The following VPS37C variants were observed in gnomAD, a reference collection of about 807,000 sequenced individuals.
VPS37C encodes the protein vacuolar protein sorting-associated protein 37C.
In VPS37C, 9 loss-of-function variants were observed where a neutral mutation model predicts 16.1. The observed-to-expected ratio is 0.56, with a 90% CI of 0.34 to 0.97. The LOEUF (loss-of-function observed/expected upper bound fraction) is 0.97. Ranked by LOEUF, VPS37C falls within the 50% of genes least tolerant of loss-of-function variation. VPS37C has a pLI of 0.02. For synonymous variants in VPS37C, 207 were observed against 206.4 expected (o/e 1.00, Z -0.02); for missense variants, 479 against 472.7 (o/e 1.01, Z -0.12).
At chr11:61,137,160 G>A (rs1293576818) in intron 2 of VPS37C, among the ~76,000 whole-genome samples, 2 of 151,978 alleles carry the variant, frequency 1.3e-5, no homozygotes, top group Non-Finnish European at 2.9e-5. Context: ...TCTTCTACAC[G>A]GAGAGAGCCC....
intron 1 of VPS37C, among the ~76,000 whole-genome samples, chr11:61,150,205 G>A (rs1853275842): frequency 6.6e-6 from 1 of 152,098 alleles, no homozygotes; most frequent in African/African-American, 2.4e-5. Context: ...CAGACATGTG[G>A]GTCCCCCCCA....
chr11:61,134,704 A>C (rs1861334688), intron 2 of VPS37C, among the ~76,000 whole-genome samples: 1 of 152,206 alleles, frequency 6.6e-6, no homozygotes, highest in African/African-American at 2.4e-5. Flanking sequence ...GAGGGGTGAG[A>C]GAGCCAGGTC....
chr11:61,157,341 T>C (rs953991952), intron 1 of VPS37C, among the ~76,000 whole-genome samples: 7 of 152,256 alleles, frequency 4.6e-5, no homozygotes, highest in Admixed American at 4.6e-4. Context: ...TATACCATTT[T>C]ACATTCCCAC....
In VPS37C at chr11:61,131,683, C is replaced by T; in HGVS notation, c.*137G>A. 1.7e-6 allele frequency: 2 copies of T among 1,170,666 alleles called. No homozygotes were observed. 72.5% of individuals were successfully genotyped at this position (1,170,666 alleles called of 1,614,324 possible). A position where few individuals can be genotyped will look rare whatever the true frequency, so the allele number is the denominator to read the frequency against. Reference sequence around the variant, plus strand: ...TCACACCGCCCAGTGCCTTGTCCCTCCAAGGCCTCTGGGTGCCGACGCAAG... The same window carrying T: ...TCACACCGCCCAGTGCCTTGTCCCTTCAAGGCCTCTGGGTGCCGACGCAAG... On this transcript the variant is annotated 3_prime_UTR_variant, in exon 5 of 5. Coordinates refer to ENST00000301765, the MANE Select transcript of VPS37C (RefSeq NM_017966.5).
At chr11:61,137,191 T>C (rs1431339727) in intron 2 of VPS37C, among the ~76,000 whole-genome samples, 2 of 152,138 alleles carry the variant, frequency 1.3e-5, no homozygotes, top group African/African-American at 4.8e-5. Context: ...CCTTCTCTCC[T>C]AGCCGTGTCC....
intron 1 of VPS37C, among the ~76,000 whole-genome samples, chr11:61,160,021 A>G (rs924562013): frequency 4.6e-5 from 7 of 151,774 alleles, no homozygotes; most frequent in Non-Finnish European, 1.0e-4. Flanking sequence ...ATCATCACCT[A>G]TTTGGACATG....
intron 4 of VPS37C, 164 bp from the exon 5 acceptor site, chr11:61,132,703 A>G: frequency 1.1e-6 from 1 of 890,720 alleles, no homozygotes; most frequent in Non-Finnish European, 1.7e-6. Flanking sequence ...CATATGGTAC[A>G]TGCACTGTCT....
At chr11:61,138,641 G>A in intron 2 of VPS37C, 96 bp downstream of exon 2, 5 of 1,145,398 alleles carry the variant, frequency 4.4e-6, no homozygotes, top group Non-Finnish European at 5.2e-6. Flanking sequence ...AGATGAATTT[G>A]GCCAAAACTT....
At chr11:61,158,014 C>G (rs1853405415) in intron 1 of VPS37C, among the ~76,000 whole-genome samples, 1 of 152,226 alleles carries the variant, frequency 6.6e-6, no homozygotes, top group Non-Finnish European at 1.5e-5. Flanking sequence ...CCTGAGTCCT[C>G]ACCAGAAGCA....
In VPS37C at chr11:61,153,721, A is replaced by G. The variant is rs531242258; in HGVS notation, c.-7+7670T>C. On this transcript the variant is annotated intron_variant, in intron 1 of 4. Transcript: ENST00000301765. Reference sequence around the variant, plus strand: ...CCTAGAGGGACTCCGGGCCCAAGACACAGGCAGTGGAGGAGAGGAATTCAC... The same window carrying G: ...CCTAGAGGGACTCCGGGCCCAAGACGCAGGCAGTGGAGGAGAGGAATTCAC... 1.4e-4 allele frequency among the ~76,000 whole-genome samples: 21 copies of G among 152,334 alleles called. No homozygotes were observed. The South Asian group carries it at 4.4e-3, about 32-fold the overall frequency.
chr11:61,147,794 A>AC (rs1038555654), intron 1 of VPS37C, among the ~76,000 whole-genome samples: 2 of 151,820 alleles, frequency 1.3e-5, no homozygotes, highest in African/African-American at 4.8e-5. Flanking sequence ...GACAACTTGC[A>AC]CTGCCCCTCA....
At chr11:61,138,348 A>T (rs1263309232) in intron 2 of VPS37C, 1 of 183,244 alleles carries the variant, frequency 5.5e-6, no homozygotes, top group African/African-American at 2.3e-5. Context: ...GACGAGCTAG[A>T]TCTCAGCCCA....
Position 61,130,854 on chromosome 11 carries a change from G to A in VPS37C, c.*966C>T, listed in dbSNP as rs946164694. ...GATGCCTGTCTTAGGATGGACACTG[G>A]GGGTGGGAGGATTACATCAACAGAG... On this transcript the variant is annotated 3_prime_UTR_variant, in exon 5 of 5. Coordinates refer to ENST00000301765, the MANE Select transcript of VPS37C (RefSeq NM_017966.5). 4 of 424,062 alleles carry A rather than the reference G, an allele frequency of 9.4e-6. No homozygotes were observed. In the East Asian group the frequency reaches 3.7e-4, roughly 39 times the overall value. 26.3% of individuals were successfully genotyped at this position (424,062 alleles called of 1,614,324 possible).
At chr11:61,132,772 G>T in intron 4 of VPS37C, 1 of 634,494 alleles carries the variant, frequency 1.6e-6, no homozygotes, top group Non-Finnish European at 2.7e-6. Flanking sequence ...GGTCACCTCT[G>T]TCCTGGCACC....
intron 1 of VPS37C, among the ~76,000 whole-genome samples, chr11:61,140,937 A>G (rs186914679): frequency 4.7e-4 from 71 of 152,358 alleles, no homozygotes; most frequent in Admixed American, 4.6e-4. Flanking sequence ...CAGGTCGGAC[A>G]CGGTGGCTCA....
chr11:61,136,706 G>T (rs753933603), intron 2 of VPS37C, among the ~76,000 whole-genome samples: 125 of 152,194 alleles, frequency 8.2e-4, no homozygotes, highest in Non-Finnish European at 1.2e-3. Flanking sequence ...TGGAAATAAG[G>T]AGGAAGAATC....
chr11:61,152,676 T>A (rs1160499091), intron 1 of VPS37C, among the ~76,000 whole-genome samples: 2 of 152,102 alleles, frequency 1.3e-5, no homozygotes, highest in East Asian at 1.9e-4. Context: ...GCTCACTCCA[T>A]CCCAACTCTT....
intron 2 of VPS37C, among the ~76,000 whole-genome samples, chr11:61,136,322 T>C (rs552076208): frequency 5.3e-5 from 8 of 152,012 alleles, no homozygotes; most frequent in Admixed American, 2.0e-4. Context: ...TACAGGCACG[T>C]GCCACCACGC....
At chr11:61,133,903 T>C in intron 3 of VPS37C, 133 bp downstream of exon 3, 1 of 1,080,506 alleles carries the variant, frequency 9.3e-7, no homozygotes, top group African/African-American at 1.6e-5. Context: ...TAAAATGGAG[T>C]AACAACAGTA....
Sources: allele counts gnomAD v4.1 joint callset (sites outside exome capture counted in the v4.1 genomes callset), GRCh38; gene constraint gnomAD v4.1.1; transcripts MANE v1.5; gene names NCBI Gene and HGNC (gene_info 2026-07-23, HGNC 2026-07-21).